Variants in RAD18 observed in about 807,000 individuals in gnomAD.
RAD18 encodes the protein RAD18 E3 ubiquitin protein ligase.
Under a neutral mutation model 60.4 loss-of-function variants are expected in RAD18, and 47 were observed. That is an observed-to-expected ratio of 0.78 (90% CI 0.62 to 0.99). The LOEUF is 0.99. RAD18 is among the 50% of genes least tolerant of loss of function. The pLI is 0.00. For missense variants in RAD18, 640 were observed against 593.3 expected (o/e 1.08, Z -0.82); for synonymous variants, 225 against 195.5 (o/e 1.15, Z -1.26).
At chr3:8,915,912 G>A (rs17049766) in intron 7 of RAD18, among the ~76,000 whole-genome samples, 6,022 of 152,108 alleles carry the variant, frequency 0.04, 399 homozygotes, top group African/African-American at 0.14. Context: ...GACCTCAGTG[G>A]GCACCCACAA....
intron 9 of RAD18, among the ~76,000 whole-genome samples, chr3:8,911,212 A>T (rs1364203423): frequency 1.3e-5 from 2 of 152,224 alleles, no homozygotes; most frequent in African/African-American, 4.8e-5. Context: ...CACTTTTTAG[A>T]TATCTAAATG....
intron 7 of RAD18, among the ~76,000 whole-genome samples, chr3:8,915,538 G>A (rs1223844938): frequency 4.0e-5 from 6 of 151,768 alleles, no homozygotes; most frequent in South Asian, 2.1e-4. Context: ...AAAAATTTTG[G>A]GTGGCTTGGA....
At chr3:8,925,057 G>A (rs76094210) in intron 7 of RAD18, among the ~76,000 whole-genome samples, 94 of 146,120 alleles carry the variant, frequency 6.4e-4, no homozygotes, top group African/African-American at 2.3e-3. Flanking sequence ...AAATAACTAA[G>A]ATCAGAGCAG....
intron 7 of RAD18, among the ~76,000 whole-genome samples, chr3:8,916,809 GA>G (rs1403987981): frequency 2.0e-5 from 3 of 151,156 alleles, no homozygotes; most frequent in African/African-American, 7.3e-5. Context: ...AGAAAAAAAG[GA>G]AAAAGAAAAA....
intron 4 of RAD18, 155 bp downstream of exon 4, chr3:8,947,064 GT>G: frequency 1.6e-6 from 1 of 625,458 alleles, no homozygotes; most frequent in Non-Finnish European, 2.8e-6. Flanking sequence ...TCTTACTCTA[GT>G]AAATTTTCCA....
At chr3:8,902,120 T>C (rs901405083) in intron 10 of RAD18, among the ~76,000 whole-genome samples, 1 of 152,178 alleles carries the variant, frequency 6.6e-6, no homozygotes, top group Non-Finnish European at 1.5e-5. Context: ...GAAGCTTAAA[T>C]AACAAAGAAA....
chr3:8,948,486 A>G (rs369562344), intron 3 of RAD18, 23 bp downstream of exon 3: 1 of 1,590,900 alleles, frequency 6.3e-7, no homozygotes, highest in Non-Finnish European at 8.6e-7. Context: ...AGTAAGTTTT[A>G]AAAAAAGGAA....
intron 7 of RAD18, among the ~76,000 whole-genome samples, chr3:8,927,034 GCAACAAAAGCCAAAAATGA>G (rs1940453459): frequency 6.6e-6 from 1 of 152,060 alleles, no homozygotes; most frequent in African/African-American, 2.4e-5. Flanking sequence ...AAAAGCAATG[GCAACAAAAGCCAAAAATGA>G]CAAATGGGAT....
rs79705222 is a variant in RAD18, at chr3:8,955,412, A to G, written c.133+3508T>C. Among the ~76,000 whole-genome samples, 34 of 152,314 alleles carry G rather than the reference A, an allele frequency of 2.2e-4. No homozygotes were observed. The East Asian group carries it at 6.4e-3, about 29-fold the overall frequency. ...GGTGACTGGGGACTGCTAAGAATAA[A>G]AAAAAGCTGGGTTGCTTGCTACTGA... On this transcript the variant is annotated intron_variant, in intron 2 of 12. Coordinates refer to ENST00000264926, the MANE Select transcript of RAD18 (RefSeq NM_020165.4).
chr3:8,893,785 C>G (rs567439923), intron 11 of RAD18, among the ~76,000 whole-genome samples: 2 of 150,290 alleles, frequency 1.3e-5, no homozygotes, highest in East Asian at 3.9e-4. Flanking sequence ...CAGCCTCAAC[C>G]TCCTGTGCTC....
At chr3:8,922,998 T>C (rs1940355221) in intron 7 of RAD18, among the ~76,000 whole-genome samples, 1 of 152,066 alleles carries the variant, frequency 6.6e-6, no homozygotes, top group South Asian at 2.1e-4. Flanking sequence ...ATTCTAAAAA[T>C]CAGAGCGCCT....
rs549236942 is a variant in RAD18 at position 8,937,022 on chromosome 3, T to C, written c.705-967A>G. 2.6e-3 allele frequency among the ~76,000 whole-genome samples: 389 copies of C among 152,318 alleles called. 1 individual carries two copies. Among genetic ancestry groups the C allele is most frequent in the African/African-American group, 8.8e-3 (364 of 41,562 alleles). Reference sequence around the variant, plus strand: ...ATAAATTATGTCTTTTATGCTGTATTAACAAAGTCTAAAAGCCAGAAATAA... The same window carrying C: ...ATAAATTATGTCTTTTATGCTGTATCAACAAAGTCTAAAAGCCAGAAATAA... On this transcript the variant is annotated intron_variant, in intron 6 of 12. Transcript: ENST00000264926.
At chr3:8,885,752 T>C (rs892847468) in intron 12 of RAD18, among the ~76,000 whole-genome samples, 2 of 152,214 alleles carry the variant, frequency 1.3e-5, no homozygotes, top group African/African-American at 4.8e-5. Context: ...TAAAGGGGGA[T>C]CCTAATGCAT....
chr3:8,920,557 T>C (rs927655174), intron 7 of RAD18, among the ~76,000 whole-genome samples: 1 of 152,174 alleles, frequency 6.6e-6, no homozygotes, highest in African/African-American at 2.4e-5. Context: ...GGATGTAAAG[T>C]ATAAACCAGA....
intron 4 of RAD18, among the ~76,000 whole-genome samples, chr3:8,943,016 G>C (rs1049293997): frequency 2.0e-5 from 3 of 152,182 alleles, no homozygotes; most frequent in African/African-American, 7.2e-5. Context: ...GGACCACACT[G>C]AAGAAATATA....
chr3:8,960,500 A>G (rs976554995), intron 1 of RAD18, among the ~76,000 whole-genome samples: 1 of 152,226 alleles, frequency 6.6e-6, no homozygotes, highest in African/African-American at 2.4e-5. Context: ...AAAAAGGACT[A>G]ATGTCGCTAA....
chr3:8,926,356 G>A (rs1452274228), intron 7 of RAD18, among the ~76,000 whole-genome samples: 1 of 152,326 alleles, frequency 6.6e-6, no homozygotes, highest in East Asian at 1.9e-4. Context: ...TACAAAGGAT[G>A]TGAAGGACCT....
At chr3:8,954,994 C>G (rs1186538851) in intron 2 of RAD18, among the ~76,000 whole-genome samples, 1 of 152,212 alleles carries the variant, frequency 6.6e-6, no homozygotes, top group East Asian at 1.9e-4. Flanking sequence ...AAACTTCCCT[C>G]CACTGACTTC....
chr3:8,926,859 T>G (rs375570271), intron 7 of RAD18, among the ~76,000 whole-genome samples: 1 of 152,152 alleles, frequency 6.6e-6, no homozygotes, highest in Non-Finnish European at 1.5e-5. Context: ...TAGCCATATG[T>G]AGAAAGCTGA....
Sources: allele counts gnomAD v4.1 joint callset (sites outside exome capture counted in the v4.1 genomes callset), GRCh38; gene constraint gnomAD v4.1.1; transcripts MANE v1.5; gene names NCBI Gene and HGNC (gene_info 2026-07-23, HGNC 2026-07-21).